Variants in CTNND2 observed in about 807,000 individuals in gnomAD.
CTNND2 encodes the protein catenin delta 2.
CTNND2 carries 22 observed loss-of-function variants against 144.4 expected under a neutral mutation model. That is an observed-to-expected ratio of 0.15 (90% confidence interval 0.11 to 0.22). CTNND2 has a LOEUF of 0.22. Ranked by LOEUF, CTNND2 falls within the 10% of genes least tolerant of loss-of-function variation. CTNND2 has a pLI of 1.00. For missense variants in CTNND2, 1,353 were observed against 1,618.8 expected (o/e 0.84, Z 2.82); for synonymous variants, 751 against 695.6 (o/e 1.08, Z -1.25).
At position 11,904,166 on chromosome 5, in the gene CTNND2, G is replaced by T. The variant is rs1315765023; in HGVS notation, c.-313C>A. ...GGGGCTCCGGGCGCCGCCGCCAGCC[G>T]GCCGGGCTGAGAGAGCAGCCGCCGC... is the stretch of plus-strand genomic sequence containing the variant. On this transcript the variant is annotated 5_prime_UTR_variant, in exon 1 of 22. Transcript: ENST00000304623. The surrounding 1 kb of genome is among the most constrained non-coding windows in gnomAD (Gnocchi z 4.2). The T allele has an allele frequency of 6.8e-6, 1 of 146,104 alleles. No individual in the cohort carries two copies. Among genetic ancestry groups the T allele is most frequent in the South Asian group, 2.1e-4 (1 of 4,778 alleles). 9.1% of individuals were successfully genotyped at this position (146,104 alleles called of 1,614,324 possible). A position where few individuals can be genotyped will look rare whatever the true frequency, so the allele number is the denominator to read the frequency against.
intron 1 of CTNND2, among the ~76,000 whole-genome samples, chr5:11,800,851 A>G (rs902983799): frequency 1.3e-5 from 2 of 152,200 alleles, no homozygotes; most frequent in Non-Finnish European, 2.9e-5. Context: ...AGTCTTATTT[A>G]TAAATCACAA....
chr5:11,274,851 A>G (rs1354215987), intron 9 of CTNND2, among the ~76,000 whole-genome samples: 1 of 152,224 alleles, frequency 6.6e-6, no homozygotes, highest in Non-Finnish European at 1.5e-5. Context: ...GTCTAGAACT[A>G]CCGATCTACA....
chr5:11,469,630 C>T (rs1766981225), intron 3 of CTNND2, among the ~76,000 whole-genome samples: 1 of 152,160 alleles, frequency 6.6e-6, no homozygotes, highest in Admixed American at 6.5e-5. Flanking sequence ...CACCCAGAGC[C>T]ACACAGTTAA....
intron 18 of CTNND2, among the ~76,000 whole-genome samples, chr5:11,017,460 C>T (rs1469621808): frequency 6.6e-6 from 1 of 151,750 alleles, no homozygotes; most frequent in African/African-American, 2.4e-5. Flanking sequence ...TGACGTGGGC[C>T]AGACAGTTGA....
At chr5:11,170,467 T>C (rs1759787328) in intron 11 of CTNND2, among the ~76,000 whole-genome samples, 1 of 152,220 alleles carries the variant, frequency 6.6e-6, no homozygotes, top group Admixed American at 6.5e-5. Flanking sequence ...TGTGTAATGA[T>C]TAACCATAGT....
intron 8 of CTNND2, among the ~76,000 whole-genome samples, chr5:11,360,815 G>A (rs1581011912): frequency 6.6e-6 from 1 of 152,182 alleles, no homozygotes; most frequent in South Asian, 2.1e-4. Flanking sequence ...AGGACAAGGA[G>A]TAGATTTTAA....
Position 11,458,965 on chromosome 5 carries a change from T to G in CTNND2, c.288-46896A>C, listed in dbSNP as rs559265935. On this transcript the variant is annotated intron_variant, in intron 3 of 21. Coordinates refer to ENST00000304623, the MANE Select transcript of CTNND2 (RefSeq NM_001332.4). ...TTTTTTTTTTGGTAGAGATGGCATT[T>G]TGCCATGTTCCCCACCCTGGTCTTG... Among the ~76,000 whole-genome samples, 16 of 152,102 alleles carry G rather than the reference T, an allele frequency of 1.1e-4. No homozygotes were observed. The South Asian group carries it at 3.3e-3, about 32-fold the overall frequency.
intron 9 of CTNND2, among the ~76,000 whole-genome samples, chr5:11,291,926 G>T (rs1379538147): frequency 6.6e-6 from 1 of 151,776 alleles, no homozygotes; most frequent in Non-Finnish European, 1.5e-5. Flanking sequence ...ATACAAACCA[G>T]CTATACAAAG....
At chr5:11,167,554 A>G (rs911785119) in intron 11 of CTNND2, among the ~76,000 whole-genome samples, 1 of 152,184 alleles carries the variant, frequency 6.6e-6, no homozygotes, top group Non-Finnish European at 1.5e-5. Flanking sequence ...ACAGCCATCA[A>G]TACTAAGGTA....
chr5:11,855,238 C>T (rs181549456), intron 1 of CTNND2, among the ~76,000 whole-genome samples: 11 of 152,286 alleles, frequency 7.2e-5, no homozygotes, highest in Middle Eastern at 3.4e-3. Context: ...CCTAGAGATA[C>T]CAAAGGTCGG....
At chr5:11,809,089 C>G (rs1478958618) in intron 1 of CTNND2, among the ~76,000 whole-genome samples, 1 of 152,102 alleles carries the variant, frequency 6.6e-6, no homozygotes, top group East Asian at 1.9e-4. Context: ...TCTAAATGTA[C>G]AAAATGTGAA....
At chr5:11,060,994 GA>G (rs1746908142) in intron 16 of CTNND2, among the ~76,000 whole-genome samples, 1 of 151,990 alleles carries the variant, frequency 6.6e-6, no homozygotes. Context: ...ATGACACACA[GA>G]TTAATATCTC....
chr5:11,254,044 G>A lies in CTNND2; in HGVS notation c.1629-17221C>T, dbSNP rs538386700. On this transcript the variant is annotated intron_variant, in intron 9 of 21. Coordinates refer to ENST00000304623, the MANE Select transcript of CTNND2 (RefSeq NM_001332.4). ...ACTAAAAAAATGCTTTACATCAAACGGGTATTTAGAAAATGATGACCTTCT... is the reference window on the plus strand; with the variant it reads ...ACTAAAAAAATGCTTTACATCAAACAGGTATTTAGAAAATGATGACCTTCT... 2.3e-4 allele frequency among the ~76,000 whole-genome samples: 35 copies of A among 152,112 alleles called. 1 individual carries two copies. The highest frequency in any genetic ancestry group is 8.2e-4 in the African/African-American group (34 of 41,490).
intron 5 of CTNND2, among the ~76,000 whole-genome samples, chr5:11,397,495 T>A (rs1024226722): frequency 6.6e-6 from 1 of 152,192 alleles, no homozygotes; most frequent in Non-Finnish European, 1.5e-5. Context: ...AATTAGTTAA[T>A]CAAGTAGTTA....
At chr5:11,405,588 AAG>A (rs976747359) in intron 5 of CTNND2, among the ~76,000 whole-genome samples, 1 of 151,882 alleles carries the variant, frequency 6.6e-6, no homozygotes, top group African/African-American at 2.4e-5. Context: ...TAAAAAAAAA[AAG>A]AGAGAGAAAT....
chr5:11,093,329 A>G (rs796652037), intron 15 of CTNND2, among the ~76,000 whole-genome samples: 5 of 152,236 alleles, frequency 3.3e-5, no homozygotes, highest in African/African-American at 1.2e-4. Flanking sequence ...GGAAATCTTC[A>G]AAGCACTATA....
At chr5:11,439,285 C>G (rs1045703903) in intron 3 of CTNND2, among the ~76,000 whole-genome samples, 2 of 152,126 alleles carry the variant, frequency 1.3e-5, no homozygotes. Context: ...TAGGGGTAGA[C>G]CTAGACAGCA....
At chr5:11,231,167 C>T (rs1396084386) in intron 10 of CTNND2, among the ~76,000 whole-genome samples, 2 of 152,078 alleles carry the variant, frequency 1.3e-5, no homozygotes, top group Non-Finnish European at 2.9e-5. Flanking sequence ...GTGCCTTCTG[C>T]CATGATTGTA....
At chr5:11,450,450 T>A (rs771373435) in intron 3 of CTNND2, among the ~76,000 whole-genome samples, 69 of 152,196 alleles carry the variant, frequency 4.5e-4, no homozygotes, top group Non-Finnish European at 9.1e-4. Context: ...TTGTCAATTA[T>A]CCATGCACCC....
Sources: allele counts gnomAD v4.1 joint callset (sites outside exome capture counted in the v4.1 genomes callset), GRCh38; gene constraint gnomAD v4.1.1; non-coding constraint Gnocchi (gnomAD v3.1); transcripts MANE v1.5; gene names NCBI Gene and HGNC (gene_info 2026-07-23, HGNC 2026-07-21).